Variants in PPAN observed in about 807,000 individuals in gnomAD.
PPAN encodes peter pan homolog.
Under a neutral mutation model 48.5 loss-of-function variants are expected in PPAN, and 39 were observed. That is an observed-to-expected ratio of 0.80 (90% CI 0.62 to 1.05). PPAN has a LOEUF of 1.05. Among genes scored for constraint, PPAN ranks in the 50% least tolerant of loss-of-function variants. The probability of loss-of-function intolerance (pLI) is 0.00; values close to 1 mark genes in which losing one functional copy is unlikely to be tolerated. For missense variants in PPAN, 736 were observed against 661.7 expected, an observed-to-expected ratio of 1.11 and a Z score of -1.23; for synonymous variants, 315 against 268.6, an observed-to-expected ratio of 1.17 and a Z score of -1.69.
At chr19:10,107,467 T>G (rs1468622430) in intron 2 of PPAN, 38 bp from the exon 3 acceptor site, 50 of 1,604,704 alleles carry the variant, frequency 3.1e-5, no homozygotes, top group Non-Finnish European at 4.2e-5. Context: ...CAACAAGGGA[T>G]AAGCTATGTT....
At chr19:10,108,342 T>A (rs1218201878) in intron 5 of PPAN, among the ~76,000 whole-genome samples, 1 of 152,176 alleles carries the variant, frequency 6.6e-6, no homozygotes, top group Non-Finnish European at 1.5e-5. Context: ...CCCCGTGAGC[T>A]GCACCTTTTC....
In PPAN at chr19:10,110,233, T is replaced by C. The variant is rs368412106; in HGVS notation, c.809T>C (p.Val270Ala). The change falls in exon 8 of 12, where the codon GTG becomes GCG. Residue 270 changes from valine (V) to alanine (A), a missense_variant. Transcript: ENST00000253107. This position sits in a 1 kb window ranked among gnomAD's most constrained non-coding sequence, Gnocchi z 5.9. ...RGNMRAQQSA[V>A]RLTEIGPRMT... ...AACATGCGGGCCCAGCAGAGTGCAG[T>C]GCGGCTCACCGAGGTGAGGCCCAGG... The C allele has an allele frequency of 8.7e-6, 14 of 1,611,302 alleles. No individual in the cohort carries two copies. In the African/African-American group the frequency reaches 1.3e-4, roughly 15 times the overall value.
Position 10,111,224 on chromosome 19 carries a change from T to G in PPAN, c.*59T>G, listed in dbSNP as rs2089058917. The stretch of plus-strand genomic sequence containing the variant: ...ACGCCCCAGATTGGGGCCCGAGATG[T>G]GGCCCTCGGTTTCCTTTCATAAAGG... On this transcript the variant is annotated 3_prime_UTR_variant, in exon 12 of 12. Transcript: ENST00000253107. 2.1e-6 allele frequency: 3 copies of G among 1,448,284 alleles called. No individual in the cohort carries two copies. Among genetic ancestry groups the G allele is most frequent in the Non-Finnish European group, 2.7e-6 (3 of 1,097,408 alleles). The allele number at this position is 1,448,284 out of a possible 1,614,324, so 89.7% of individuals were successfully genotyped here.
chr19:10,109,875 C>G, intron 6 of PPAN, 38 bp from the exon 7 acceptor site: 3 of 1,610,702 alleles, frequency 1.9e-6, no homozygotes, highest in Non-Finnish European at 2.5e-6. Context: ...TCACGTGCCC[C>G]CTGACCACCC....
At chr19:10,106,450 G>A (rs1161067911) in intron 1 of PPAN, 38 bp downstream of exon 1, 2 of 1,547,106 alleles carry the variant, frequency 1.3e-6, no homozygotes, top group South Asian at 1.2e-5. Flanking sequence ...TGGCGCAGGT[G>A]GGGTCCCGGC....
At chr19:10,108,569 C>T (rs891488247) in intron 5 of PPAN, among the ~76,000 whole-genome samples, 7 of 151,974 alleles carry the variant, frequency 4.6e-5, no homozygotes, top group East Asian at 3.9e-4. Context: ...TGCAACATAG[C>T]GAGACCCCAT....
chr19:10,106,274 C>T (rs2088817469), upstream of PPAN: 1 of 1,483,320 alleles, frequency 6.7e-7, no homozygotes, highest in Non-Finnish European at 9.0e-7. Flanking sequence ...CTCCCAGAGG[C>T]CACCTAGTGC....
chr19:10,107,949 T>C lies in PPAN; in HGVS notation c.343-15T>C, dbSNP rs754762401. 1 of 1,598,550 alleles carries C rather than the reference T, an allele frequency of 6.3e-7. No individual in the cohort carries two copies. Among genetic ancestry groups the C allele is most frequent in the Admixed American group, 1.7e-5 (1 of 59,388 alleles). On this transcript the variant is annotated splice_polypyrimidine_tract_variant and intron_variant, in intron 4 of 11. Coordinates refer to ENST00000253107, the MANE Select transcript of PPAN (RefSeq NM_020230.7). ...TGTGGTTGGTGGTCACCCCCTCCTC[T>C]CTCCTGTCCTACAGTACTCGCTGGT...
Position 10,107,555 on chromosome 19 carries a change from C to CG in PPAN, c.244dup (p.Val82GlyfsTer17). On this transcript the variant is annotated frameshift_variant, in exon 3 of 12. Coordinates refer to ENST00000253107, the MANE Select transcript of PPAN (RefSeq NM_020230.7). LOFTEE classifies it high-confidence loss of function. Reference sequence around the variant, plus strand: ...ACTGCGTGGCAGTGGCTGGGCCCCTCGGGGTCACACACTTTCTGATCCTGA... The same window carrying CG: ...ACTGCGTGGCAGTGGCTGGGCCCCTCGGGGGTCACACACTTTCTGATCCTGA... 2 of 1,614,110 alleles carry CG rather than the reference C, an allele frequency of 1.2e-6. No homozygotes were observed. Among genetic ancestry groups the CG allele is most frequent in the Non-Finnish European group, 1.7e-6 (2 of 1,180,030 alleles).
chr19:10,109,050 C>G (rs973810937), intron 5 of PPAN, among the ~76,000 whole-genome samples: 2 of 151,722 alleles, frequency 1.3e-5, no homozygotes, highest in Non-Finnish European at 2.9e-5. Context: ...CAAGCTCCGC[C>G]TCCCAGGTTC....
In PPAN at chr19:10,110,316, C is replaced by T. The variant is rs562456728; in HGVS notation, c.823-8C>T. On this transcript the variant is annotated splice_region_variant and splice_polypyrimidine_tract_variant and intron_variant, in intron 8 of 11. Coordinates refer to ENST00000253107, the MANE Select transcript of PPAN (RefSeq NM_020230.7). This position sits in a 1 kb window ranked among gnomAD's most constrained non-coding sequence, Gnocchi z 5.9. ...CGGTGGGCTGACGCTTCTTCCTCGT[C>T]CCCTCAGATCGGCCCGCGGATGACA... The T allele has an allele frequency of 1.2e-6, 2 of 1,613,638 alleles. No individual in the cohort carries two copies. The highest frequency in any genetic ancestry group is 2.2e-5 in the East Asian group (1 of 44,880).
At chr19:10,108,627 C>T (rs2088928397) in intron 5 of PPAN, among the ~76,000 whole-genome samples, 1 of 151,932 alleles carries the variant, frequency 6.6e-6, no homozygotes, top group Admixed American at 6.6e-5. Flanking sequence ...CGGTGCATGC[C>T]TGTAGTACCA....
At chr19:10,108,231 G>A in intron 5 of PPAN, 97 bp downstream of exon 5, 1 of 1,478,586 alleles carries the variant, frequency 6.8e-7, no homozygotes, top group Non-Finnish European at 9.0e-7. Flanking sequence ...CCAGCGCTGA[G>A]ACTGGGAGCT....
At chr19:10,108,454 G>C (rs1325834262) in intron 5 of PPAN, among the ~76,000 whole-genome samples, 2 of 152,130 alleles carry the variant, frequency 1.3e-5, no homozygotes, top group Non-Finnish European at 2.9e-5. Flanking sequence ...CTGTTTTACA[G>C]AGGGAAGCTG....
rs2088892789 is a variant in PPAN at position 10,107,948 on chromosome 19, C to G, written c.343-16C>G. 2 of 1,598,950 alleles carry G rather than the reference C, an allele frequency of 1.3e-6. No homozygotes were observed. The highest frequency in any genetic ancestry group is 1.7e-6 in the Non-Finnish European group (2 of 1,168,890). On this transcript the variant is annotated splice_polypyrimidine_tract_variant and intron_variant, in intron 4 of 11. Coordinates refer to ENST00000253107, the MANE Select transcript of PPAN (RefSeq NM_020230.7). Reference sequence around the variant, plus strand: ...GTGTGGTTGGTGGTCACCCCCTCCTCTCTCCTGTCCTACAGTACTCGCTGG... The same window carrying G: ...GTGTGGTTGGTGGTCACCCCCTCCTGTCTCCTGTCCTACAGTACTCGCTGG...
At chr19:10,109,086 C>T (rs1346520671) in intron 5 of PPAN, among the ~76,000 whole-genome samples, 2 of 151,740 alleles carry the variant, frequency 1.3e-5, no homozygotes, top group African/African-American at 4.8e-5. Context: ...CTCAGCCTCC[C>T]GAGTAGCTGG....
Position 10,110,851 on chromosome 19 carries a change from G to A in PPAN, c.1186G>A (p.Glu396Lys), listed in dbSNP as rs752291134. ...CGAGTATTTCTGCCAGGCGGTGGGC[G>A]AGGCGCCCAGTGAGGGTATGGAGTG... ...DIEYFCQAVG[E>K]APSEDLFPEA... The change falls in exon 11 of 12, where the codon GAG becomes AAG. Residue 396 changes from glutamate (E) to lysine (K), a missense_variant. Physicochemically the swap from Glu to Lys is moderately conservative, Grantham distance 56. Coordinates refer to ENST00000253107, the MANE Select transcript of PPAN (RefSeq NM_020230.7). The surrounding 1 kb of genome is among the most constrained non-coding windows in gnomAD (Gnocchi z 5.9). 52 of 1,613,718 alleles carry A rather than the reference G, an allele frequency of 3.2e-5. No homozygotes were observed. The highest frequency in any genetic ancestry group is 4.5e-5 in the East Asian group (2 of 44,856).
At chr19:10,106,770 C>T in intron 2 of PPAN, 99 bp downstream of exon 2, 2 of 1,438,142 alleles carry the variant, frequency 1.4e-6, no homozygotes, top group East Asian at 2.5e-5. Flanking sequence ...GGACTTAAGT[C>T]TCCCCAGCTG....
In PPAN at chr19:10,110,070, C is replaced by T; in HGVS notation, c.698+50C>T. 3 of 1,610,706 alleles carry T rather than the reference C, an allele frequency of 1.9e-6. No homozygotes were observed. The highest frequency in any genetic ancestry group is 2.5e-6 in the Non-Finnish European group (3 of 1,178,172). ...CCACTGCGGCCCGGGGACCCCAGAA[C>T]AGGACCGGGAGCCTGAGCTCCCCCA... On this transcript the variant is annotated intron_variant, in intron 7 of 11. Transcript: ENST00000253107. This position sits in a 1 kb window ranked among gnomAD's most constrained non-coding sequence, Gnocchi z 5.9.
Sources: allele counts gnomAD v4.1 joint callset (sites outside exome capture counted in the v4.1 genomes callset), GRCh38; gene constraint gnomAD v4.1.1; non-coding constraint Gnocchi (gnomAD v3.1); transcripts MANE v1.5; gene names NCBI Gene and HGNC (gene_info 2026-07-23, HGNC 2026-07-21).